Variants in KCNQ4 observed in about 807,000 individuals in gnomAD.
KCNQ4 encodes the protein potassium voltage-gated channel subfamily Q member 4.
Under a neutral mutation model 72.6 loss-of-function variants are expected in KCNQ4, and 31 were observed. That is an observed-to-expected ratio of 0.43 (90% confidence interval 0.32 to 0.58). The LOEUF (loss-of-function observed/expected upper bound fraction) is 0.58, where lower values mean the gene tolerates loss of function less well. Among genes scored for constraint, KCNQ4 ranks in the 20% least tolerant of loss-of-function variants. KCNQ4 has a pLI of 0.08. For missense variants in KCNQ4, 869 were observed against 962.6 expected, an observed-to-expected ratio of 0.90 and a Z score of 1.29; for synonymous variants, 405 against 403.7, an observed-to-expected ratio of 1.00 and a Z score of -0.04.
At chr1:40,826,471 G>T (rs1417020226) in intron 9 of KCNQ4, among the ~76,000 whole-genome samples, 1 of 152,212 alleles carries the variant, frequency 6.6e-6, no homozygotes, top group Non-Finnish European at 1.5e-5. Flanking sequence ...CCTATGCAAA[G>T]TGTGAGAACA....
intron 1 of KCNQ4, among the ~76,000 whole-genome samples, chr1:40,812,821 A>G (rs984149015): frequency 2.6e-5 from 4 of 152,172 alleles, no homozygotes; most frequent in Non-Finnish European, 5.9e-5. Context: ...GCTTGGTAAC[A>G]TGGTGTTTTG....
At chr1:40,833,948 G>A (rs930179955) in intron 11 of KCNQ4, among the ~76,000 whole-genome samples, 1 of 152,012 alleles carries the variant, frequency 6.6e-6, no homozygotes, top group Admixed American at 6.6e-5. Flanking sequence ...GTTTGAGGCT[G>A]TAGTGAGCCG....
Position 40,818,288 on chromosome 1 carries a change from T to C in KCNQ4, c.530T>C (p.Ile177Thr). 6.2e-7 allele frequency: 1 copy of C among 1,613,714 alleles called. No individual in the cohort carries two copies. Among genetic ancestry groups the C allele is most frequent in the Non-Finnish European group, 8.5e-7 (1 of 1,180,000 alleles). The change falls in exon 3 of 14, where the codon ATC (isoleucine) becomes ACC (threonine). Residue 177 changes from isoleucine to threonine, a missense_variant and splice_region_variant. Physicochemically the swap from Ile to Thr is moderately conservative, Grantham distance 89 (BLOSUM62 -1). Coordinates refer to ENST00000347132, the MANE Select transcript of KCNQ4 (RefSeq NM_004700.4). ...FRFARKPFCV[I>T]DFIVFVASVA... ...TTTGCCAGAAAGCCCTTCTGTGTCA[T>C]CGGTAATGAGGCGCGCCCCGCCCGA...
At chr1:40,796,486 G>A (rs1268150751) in intron 1 of KCNQ4, among the ~76,000 whole-genome samples, 1 of 152,130 alleles carries the variant, frequency 6.6e-6, no homozygotes, top group Non-Finnish European at 1.5e-5. Context: ...TGACTTGCCT[G>A]GGTACATGTA....
chr1:40,837,089 TTC>T (rs1491013061), intron 12 of KCNQ4, among the ~76,000 whole-genome samples: 4 of 100,848 alleles, frequency 4.0e-5, no homozygotes, highest in African/African-American at 1.6e-4. Flanking sequence ...TTCTTTTCTT[TTC>T]TTTTTTTTTT....
intron 1 of KCNQ4, among the ~76,000 whole-genome samples, chr1:40,790,653 G>C (rs1647264165): frequency 6.6e-6 from 1 of 152,186 alleles, no homozygotes; most frequent in South Asian, 2.1e-4. Context: ...CATGAATGGA[G>C]CCCAGCCTGG....
chr1:40,789,415 C>T (rs1023594134), intron 1 of KCNQ4, among the ~76,000 whole-genome samples: 4 of 152,156 alleles, frequency 2.6e-5, no homozygotes, highest in Non-Finnish European at 5.9e-5. Flanking sequence ...GAACTTTGCC[C>T]TTGTGATTGG....
At chr1:40,812,535 T>C (rs776428094) in intron 1 of KCNQ4, among the ~76,000 whole-genome samples, 4 of 152,338 alleles carry the variant, frequency 2.6e-5, no homozygotes, top group Non-Finnish European at 5.9e-5. Flanking sequence ...ATGTTGGGAT[T>C]ACAGGCATGA....
At chr1:40,824,560 C>T (rs146140772) in intron 9 of KCNQ4, among the ~76,000 whole-genome samples, 1 of 152,300 alleles carries the variant, frequency 6.6e-6, no homozygotes, top group Non-Finnish European at 1.5e-5. Context: ...TCTGTTCCCA[C>T]GTCCCCCTTA....
Position 40,838,294 on chromosome 1 carries a change from C to A in KCNQ4, c.1876-17C>A. The A allele has an allele frequency of 1.2e-6, 2 of 1,611,270 alleles. No homozygotes were observed. The highest frequency in any genetic ancestry group is 1.7e-6 in the Non-Finnish European group (2 of 1,178,902). On this transcript the variant is annotated splice_polypyrimidine_tract_variant and intron_variant, in intron 13 of 13. Coordinates refer to ENST00000347132, the MANE Select transcript of KCNQ4 (RefSeq NM_004700.4). ...TCCGGTCCCAGGCCCTGCTTCCCAG[C>A]TGCGCCCCGTCCCCAGGTGCAGTCC...
chr1:40,820,676 A>T (rs889993515), intron 7 of KCNQ4, among the ~76,000 whole-genome samples: 1 of 152,248 alleles, frequency 6.6e-6, no homozygotes, highest in African/African-American at 2.4e-5. Context: ...ACACAAATGA[A>T]GAGAGGATGG....
At chr1:40,823,264 G>A (rs889239841) in intron 8 of KCNQ4, among the ~76,000 whole-genome samples, 7 of 152,232 alleles carry the variant, frequency 4.6e-5, no homozygotes, top group African/African-American at 1.2e-4. Flanking sequence ...GGGGCTCCCA[G>A]CATCACACTG....
intron 4 of KCNQ4, 72 bp from the exon 5 acceptor site, chr1:40,819,275 C>T (rs887370261): frequency 1.3e-6 from 2 of 1,582,284 alleles, no homozygotes; most frequent in African/African-American, 2.7e-5. Context: ...TATCCCTTTC[C>T]CGTGTGGAAG....
intron 9 of KCNQ4, among the ~76,000 whole-genome samples, chr1:40,829,096 C>G (rs971683364): frequency 2.6e-5 from 4 of 152,270 alleles, no homozygotes; most frequent in Admixed American, 2.6e-4. Context: ...GCCCTCTTCT[C>G]CAGAACGCCA....
At chr1:40,827,214 G>A (rs964130363) in intron 9 of KCNQ4, among the ~76,000 whole-genome samples, 1 of 152,206 alleles carries the variant, frequency 6.6e-6, no homozygotes, top group Non-Finnish European at 1.5e-5. Context: ...GACTTGCTCT[G>A]TGCACTAGGG....
At position 40,833,005 on chromosome 1, in the gene KCNQ4, C is replaced by G. The variant is rs1449011606; in HGVS notation, c.1514-9C>G. On this transcript the variant is annotated splice_polypyrimidine_tract_variant and intron_variant, in intron 10 of 13. Coordinates refer to ENST00000347132, the MANE Select transcript of KCNQ4 (RefSeq NM_004700.4). ...TGGTGGGCCACTTGCCCCATACCTG[C>G]CTTTTCAGATGCCCCCTCAGAGGAA... The G allele has an allele frequency of 1.2e-6, 2 of 1,611,310 alleles. No individual in the cohort carries two copies. The highest frequency in any genetic ancestry group is 4.5e-5 in the East Asian group (2 of 44,870).
At chr1:40,834,928 T>C in intron 11 of KCNQ4, 39 bp from the exon 12 acceptor site, 2 of 1,610,170 alleles carry the variant, frequency 1.2e-6, no homozygotes, top group Non-Finnish European at 1.7e-6. Context: ...GAATCCCTGC[T>C]CTAACAGGAC....
At position 40,784,349 on chromosome 1, in the gene KCNQ4, T is replaced by A. The variant is rs759935456; in HGVS notation, c.256T>A (p.Trp86Arg). The change falls in exon 1 of 14, where the codon TGG (tryptophan) becomes AGG (arginine). Residue 86 changes from tryptophan to arginine, a missense_variant. By Grantham distance (101) the Trp-to-Arg change is moderately radical. Transcript: ENST00000347132. This position sits in a 1 kb window ranked among gnomAD's most constrained non-coding sequence, Gnocchi z 4.1. ...AHKRYRRLQN[W>R]VYNVLERPRG... Reference sequence around the variant, plus strand: ...CAAGCGCTACCGCCGCCTGCAGAACTGGGTCTACAACGTGCTGGAGCGGCC... The same window carrying A: ...CAAGCGCTACCGCCGCCTGCAGAACAGGGTCTACAACGTGCTGGAGCGGCC... The A allele has an allele frequency of 3.7e-6, 6 of 1,609,868 alleles. No individual in the cohort carries two copies. The East Asian group carries it at 1.3e-4, about 36-fold the overall frequency.
At chr1:40,827,480 CTG>C (rs1288694008) in intron 9 of KCNQ4, among the ~76,000 whole-genome samples, 1 of 152,174 alleles carries the variant, frequency 6.6e-6, no homozygotes, top group African/African-American at 2.4e-5. Flanking sequence ...CCCCCTGAGA[CTG>C]GACATCAGAG....
Sources: gnomAD v4.1 joint callset for allele counts (sites outside exome capture counted in the v4.1 genomes callset) on GRCh38, gnomAD v4.1.1 for gene constraint, Gnocchi (gnomAD v3.1) non-coding constraint, MANE v1.5 for transcripts, NCBI Gene and HGNC (gene_info 2026-07-23, HGNC 2026-07-21) for gene names.